Variants in PLB1 observed in about 807,000 individuals in gnomAD.
The protein encoded by PLB1 is phospholipase B1, also known as phospholipase B1, membrane-associated.
In PLB1, 242 loss-of-function variants were observed where a neutral mutation model predicts 227.4. That is an observed-to-expected ratio of 1.06 (90% CI 0.96 to 1.18). The LOEUF is 1.18. Among genes scored for constraint, PLB1 ranks in the 50% most tolerant of loss-of-function variants. The probability of loss-of-function intolerance (pLI) is 0.00; values close to 1 mark genes in which losing one functional copy is unlikely to be tolerated. For missense variants in PLB1, 1,858 were observed against 1,816.3 expected, an observed-to-expected ratio of 1.02 and a Z score of -0.42; for synonymous variants, 757 against 682.2, an observed-to-expected ratio of 1.11 and a Z score of -1.71.
intron 1 of PLB1, among the ~76,000 whole-genome samples, chr2:28,514,087 T>C (rs967769860): frequency 2.2e-4 from 33 of 152,216 alleles, no homozygotes; most frequent in Admixed American, 3.9e-4. Flanking sequence ...TTAGCTGTCA[T>C]AAAATTTGTT....
rs755008517 is a variant in PLB1 at position 28,591,721 on chromosome 2, T to C, written c.2149T>C (p.Cys717Arg). Residue 717 changes from cysteine to arginine, a missense_variant, in exon 31 of 58, where the codon TGC (cysteine) becomes CGC (arginine). By Grantham distance (180) the Cys-to-Arg change is radical (BLOSUM62 -3). Transcript: ENST00000327757. ...TTAGGGTCATGGGACCTGGCTGCCATGCAGGGACAGAGCCCCTTCTGCCTT... is the reference window on the plus strand; with the variant it reads ...TTAGGGTCATGGGACCTGGCTGCCACGCAGGGACAGAGCCCCTTCTGCCTT... ...SMQGHGTWLP[C>R]RDRAPSALHP... 1 of 1,614,014 alleles carries C rather than the reference T, an allele frequency of 6.2e-7. No homozygotes were observed. The highest frequency in any genetic ancestry group is 1.7e-5 in the Admixed American group (1 of 60,024).
chr2:28,591,693 C>A lies in PLB1; in HGVS notation c.2128-7C>A. On this transcript the variant is annotated splice_region_variant and splice_polypyrimidine_tract_variant and intron_variant, in intron 30 of 57. Transcript: ENST00000327757. ...CTGAGATTCTGGGATTTGTTCTATG[C>A]CCTTAGGGTCATGGGACCTGGCTGC... is the stretch of plus-strand genomic sequence containing the variant. The A allele has an allele frequency of 6.2e-7, 1 of 1,613,764 alleles. No individual in the cohort carries two copies. The highest frequency in any genetic ancestry group is 8.5e-7 in the Non-Finnish European group (1 of 1,179,784).
chr2:28,620,147 G>A (rs559622465), intron 46 of PLB1, 118 bp from the exon 47 acceptor site: 48 of 601,650 alleles, frequency 8.0e-5, no homozygotes, highest in Admixed American at 2.4e-4. Context: ...GAGAAAAGCC[G>A]GTACTATTTT....
At position 28,580,559 on chromosome 2, in the gene PLB1, C is replaced by G. The variant is rs577790070; in HGVS notation, c.1566+852C>G. Reference sequence around the variant, plus strand: ...GTGAAACCCTGTCTCTACAAAAATACAAAAATTAGCTGGTTGTGATGGCAA... The same window carrying G: ...GTGAAACCCTGTCTCTACAAAAATAGAAAAATTAGCTGGTTGTGATGGCAA... On this transcript the variant is annotated intron_variant, in intron 23 of 57. Transcript: ENST00000327757. 4.6e-5 allele frequency among the ~76,000 whole-genome samples: 7 copies of G among 152,250 alleles called. No homozygotes were observed. The South Asian group carries it at 1.2e-3, about 27-fold the overall frequency.
At chr2:28,629,266 GAGGCAGAGCC>G (rs1688266600) in intron 53 of PLB1, 81 bp downstream of exon 53, 3 of 1,330,386 alleles carry the variant, frequency 2.3e-6, no homozygotes, top group Non-Finnish European at 3.1e-6. Context: ...GAGACCAGTT[GAGGCAGAGCC>G]AGGCAGGCCT....
intron 43 of PLB1, 152 bp from the exon 44 acceptor site, chr2:28,613,879 A>C: frequency 1.5e-6 from 1 of 674,698 alleles, no homozygotes; most frequent in Non-Finnish European, 2.5e-6. Flanking sequence ...CTCCGGGGGA[A>C]TGAATGAAAT....
rs1401484853 is a variant in PLB1, at chr2:28,525,255, T to A, written c.244-12T>A. The A allele has an allele frequency of 6.2e-7, 1 of 1,612,724 alleles. No individual in the cohort carries two copies. The highest frequency in any genetic ancestry group is 1.7e-5 in the Admixed American group (1 of 59,934). On this transcript the variant is annotated splice_polypyrimidine_tract_variant and intron_variant, in intron 4 of 57. Transcript: ENST00000327757. ...CCCCTGGCTGGGTGTTAACATTGAG[T>A]ATCTATTCCAGCCTCCAGACCCAGG...
At chr2:28,531,633 A>C (rs1005954051) in intron 8 of PLB1, among the ~76,000 whole-genome samples, 1 of 152,198 alleles carries the variant, frequency 6.6e-6, no homozygotes, top group Non-Finnish European at 1.5e-5. Flanking sequence ...TATAACCTCA[A>C]ACAGATTTTC....
chr2:28,631,635 T>A (rs536672899), intron 54 of PLB1, among the ~76,000 whole-genome samples: 1 of 152,334 alleles, frequency 6.6e-6, no homozygotes, highest in East Asian at 1.9e-4. Context: ...ATGCTCCCCA[T>A]CTGACCTGCA....
chr2:28,599,087 G>A (rs372916807), intron 35 of PLB1, among the ~76,000 whole-genome samples: 2 of 152,196 alleles, frequency 1.3e-5, no homozygotes, highest in South Asian at 2.1e-4. Context: ...TCCACTCCCC[G>A]CAGAACCTCA....
chr2:28,521,929 C>A (rs189808710), intron 4 of PLB1, among the ~76,000 whole-genome samples: 12 of 152,212 alleles, frequency 7.9e-5, no homozygotes, highest in Non-Finnish European at 1.6e-4. Flanking sequence ...CATCCTCCCC[C>A]ATCCCTGCAG....
chr2:28,630,855 T>C (rs1688522952), intron 54 of PLB1, among the ~76,000 whole-genome samples, 191 bp downstream of exon 54: 1 of 152,038 alleles, frequency 6.6e-6, no homozygotes, highest in South Asian at 2.1e-4. Flanking sequence ...GACCCCAAAG[T>C]GGAAGCTGAG....
rs981916302 is a variant in PLB1, at chr2:28,620,344, C to T, written c.3383+12C>T. The T allele has an allele frequency of 6.3e-7, 1 of 1,588,572 alleles. No homozygotes were observed. The highest frequency in any genetic ancestry group is 2.2e-5 in the East Asian group (1 of 44,584). ...GGACTCTCTTGGAGGTGAGGATGTT[C>T]TTGATGCATGCTCTATTGATGATGC... On this transcript the variant is annotated intron_variant, in intron 47 of 57. Coordinates refer to ENST00000327757, the MANE Select transcript of PLB1 (RefSeq NM_153021.5).
At chr2:28,630,484 C>A in intron 53 of PLB1, 102 bp from the exon 54 acceptor site, 3 of 946,004 alleles carry the variant, frequency 3.2e-6, no homozygotes, top group Admixed American at 4.5e-5. Context: ...AGGCTGCAGG[C>A]CCCTGGGGTA....
chr2:28,593,944 A>T (rs1161692868), intron 33 of PLB1, 190 bp downstream of exon 33: 2 of 614,420 alleles, frequency 3.3e-6, no homozygotes, highest in South Asian at 3.5e-5. Context: ...TACTGTTGAT[A>T]ATCTTTTTTT....
intron 33 of PLB1, chr2:28,594,625 TCC>T (rs1573277478): frequency 6.6e-6 from 1 of 152,510 alleles, no homozygotes; most frequent in African/African-American, 2.4e-5. Flanking sequence ...CTGAGCAGAG[TCC>T]CAGAGAGGAT....
At chr2:28,606,794 G>C (rs960408737) in intron 43 of PLB1, among the ~76,000 whole-genome samples, 3 of 152,190 alleles carry the variant, frequency 2.0e-5, no homozygotes, top group African/African-American at 7.2e-5. Flanking sequence ...GGGAGAGGAG[G>C]CCTGGGCCCC....
At chr2:28,618,989 A>G (rs1398264132) in intron 46 of PLB1, among the ~76,000 whole-genome samples, 1 of 152,222 alleles carries the variant, frequency 6.6e-6, no homozygotes, top group African/African-American at 2.4e-5. Flanking sequence ...CAAGAAACGT[A>G]CACAGAAAGA....
At chr2:28,510,720 C>A (rs891075692) in intron 1 of PLB1, among the ~76,000 whole-genome samples, 3 of 143,556 alleles carry the variant, frequency 2.1e-5, no homozygotes, top group African/African-American at 7.9e-5. Flanking sequence ...AACTCCTGGG[C>A]TCAAGTGATC....
Sources: allele counts gnomAD v4.1 joint callset (sites outside exome capture counted in the v4.1 genomes callset), GRCh38; gene constraint gnomAD v4.1.1; transcripts MANE v1.5; gene names NCBI Gene and HGNC (gene_info 2026-07-23, HGNC 2026-07-21).